The following CPA6 variants were observed in gnomAD, a reference collection of about 807,000 sequenced individuals.
CPA6 encodes the protein carboxypeptidase B.
A neutral mutation model predicts 63.3 loss-of-function variants in CPA6; 58 were observed. That is an observed-to-expected ratio of 0.92 (90% CI 0.74 to 1.14). The LOEUF (loss-of-function observed/expected upper bound fraction) is 1.14. Among genes scored for constraint, CPA6 ranks in the 50% most tolerant of loss-of-function variants. The pLI is 0.00. For synonymous variants in CPA6, 185 were observed against 179.0 expected (o/e 1.03, Z -0.27); for missense variants, 565 against 526.6 (o/e 1.07, Z -0.71).
chr8:67,589,969 ATGCTGGTG>A (rs1814066365), intron 2 of CPA6, among the ~76,000 whole-genome samples: 1 of 151,718 alleles, frequency 6.6e-6, no homozygotes, highest in African/African-American at 2.4e-5. Flanking sequence ...TACATGTGCC[ATGCTGGTG>A]TGCTGCACCC....
intron 2 of CPA6, among the ~76,000 whole-genome samples, chr8:67,572,011 G>A (rs541311376): frequency 6.6e-5 from 10 of 151,878 alleles, no homozygotes; most frequent in African/African-American, 9.7e-5. Flanking sequence ...AACTGACACC[G>A]CAGAAATACA....
chr8:67,691,387 G>A (rs573483040), intron 1 of CPA6, among the ~76,000 whole-genome samples: 4 of 152,290 alleles, frequency 2.6e-5, no homozygotes, highest in East Asian at 1.9e-4. Context: ...TCACTGGCAC[G>A]TGGCTGGAAA....
chr8:67,642,245 G>A (rs1325602526), intron 1 of CPA6, among the ~76,000 whole-genome samples: 12 of 151,894 alleles, frequency 7.9e-5, no homozygotes. Flanking sequence ...TTGAACCTGG[G>A]AGGCAGAGGT....
At chr8:67,601,774 G>A (rs1814502660) in intron 2 of CPA6, among the ~76,000 whole-genome samples, 2 of 152,242 alleles carry the variant, frequency 1.3e-5, no homozygotes, top group Non-Finnish European at 2.9e-5. Flanking sequence ...ATACATTTCT[G>A]GTGGGAGTGT....
rs55739926 is a variant in CPA6, at chr8:67,468,581, AAAAAT to A, written c.838+15182_838+15186del. Among the ~76,000 whole-genome samples the A allele has an allele frequency of 3.1e-3, 427 of 138,724 alleles. 2 individuals carry two copies. Among genetic ancestry groups the A allele is most frequent in the Admixed American group, 0.015 (215 of 13,896 alleles). 91.0% of individuals were successfully genotyped at this position (138,724 alleles called of 152,430 possible). ...GGCGACAAGAGCGAGACTCTGTCTC[AAAAAT>A]AAAATAAAATAAAATAAAATAAAAT... On this transcript the variant is annotated intron_variant, in intron 8 of 10. Transcript: ENST00000297770.
intron 1 of CPA6, among the ~76,000 whole-genome samples, chr8:67,632,189 CAG>C: frequency 6.6e-6 from 1 of 150,650 alleles, no homozygotes. Flanking sequence ...TGTGTTTTCT[CAG>C]AGACAGTCTC....
intron 2 of CPA6, among the ~76,000 whole-genome samples, chr8:67,574,351 G>A (rs964110112): frequency 6.7e-6 from 1 of 150,304 alleles, no homozygotes; most frequent in Non-Finnish European, 1.5e-5. Flanking sequence ...ACTCCAGCCT[G>A]GGCAACAGAG....
chr8:67,648,563 G>A (rs1351796649), intron 1 of CPA6, among the ~76,000 whole-genome samples: 2 of 152,194 alleles, frequency 1.3e-5, no homozygotes, highest in Non-Finnish European at 2.9e-5. Context: ...GGCCCAGAAG[G>A]AAGAGGTTGG....
chr8:67,669,023 T>C (rs1816289578), intron 1 of CPA6, among the ~76,000 whole-genome samples: 1 of 152,200 alleles, frequency 6.6e-6, no homozygotes, highest in African/African-American at 2.4e-5. Flanking sequence ...GCAGGATCCA[T>C]AGTCAGCTTG....
intron 2 of CPA6, among the ~76,000 whole-genome samples, chr8:67,598,981 TA>T (rs978099849): frequency 1.2e-4 from 19 of 152,104 alleles, no homozygotes; most frequent in Non-Finnish European, 7.4e-5. Flanking sequence ...ATAAATCTGG[TA>T]AAAAAATTTC....
chr8:67,437,371 G>A (rs780216547), intron 8 of CPA6, among the ~76,000 whole-genome samples: 9 of 152,118 alleles, frequency 5.9e-5, no homozygotes, highest in Non-Finnish European at 1.3e-4. Context: ...CTCCAGCCTG[G>A]GCGACAGAGC....
chr8:67,672,267 T>A (rs115776958), intron 1 of CPA6, among the ~76,000 whole-genome samples: 282 of 152,358 alleles, frequency 1.9e-3, no homozygotes, highest in African/African-American at 6.6e-3. Flanking sequence ...AGTCTAAATA[T>A]AACTGGAACA....
intron 2 of CPA6, among the ~76,000 whole-genome samples, chr8:67,562,389 G>A (rs904700493): frequency 4.6e-5 from 7 of 152,140 alleles, no homozygotes; most frequent in Admixed American, 2.6e-4. Context: ...TCCTGGCCCT[G>A]ACAGAATGTC....
At chr8:67,502,060 T>C (rs1015196502) in intron 6 of CPA6, among the ~76,000 whole-genome samples, 3 of 152,238 alleles carry the variant, frequency 2.0e-5, no homozygotes, top group African/African-American at 7.2e-5. Context: ...TAACCTTTTT[T>C]ATATCTTCAG....
At chr8:67,699,826 T>A (rs144439052) in intron 1 of CPA6, among the ~76,000 whole-genome samples, 2,061 of 152,214 alleles carry the variant, frequency 0.014, 38 homozygotes, top group African/African-American at 0.046. Context: ...TGACCTCAGG[T>A]GATCCACCTG....
At chr8:67,632,354 A>G (rs979687956) in intron 1 of CPA6, among the ~76,000 whole-genome samples, 1 of 151,458 alleles carries the variant, frequency 6.6e-6, no homozygotes, top group Admixed American at 6.6e-5. Flanking sequence ...ACTTTTTTTT[A>G]AAGAAATGGG....
chr8:67,611,110 T>C (rs552457254), intron 2 of CPA6, among the ~76,000 whole-genome samples: 1 of 150,224 alleles, frequency 6.7e-6, no homozygotes, highest in Admixed American at 6.7e-5. Context: ...TGAGATGGAG[T>C]ATTGCTCTGT....
rs147954153 is a variant in CPA6, at chr8:67,556,223, G to A, written c.193-38176C>T. Among the ~76,000 whole-genome samples the A allele has an allele frequency of 8.2e-3, 1,249 of 152,306 alleles. 22 individuals are homozygous for A. Among genetic ancestry groups the A allele is most frequent in the Admixed American group, 0.037 (568 of 15,296 alleles). On this transcript the variant is annotated intron_variant, in intron 2 of 10. Coordinates refer to ENST00000297770, the MANE Select transcript of CPA6 (RefSeq NM_020361.5). ...TTATTATGGGAGATGGGGTTTCTGCGTTCGTAGGAGCTCAGGAACAAGTTT... is the reference window on the plus strand; with the variant it reads ...TTATTATGGGAGATGGGGTTTCTGCATTCGTAGGAGCTCAGGAACAAGTTT...
chr8:67,602,410 A>G (rs1814518682), intron 2 of CPA6, among the ~76,000 whole-genome samples: 2 of 152,158 alleles, frequency 1.3e-5, no homozygotes, highest in Non-Finnish European at 2.9e-5. Context: ...TTCAACATCA[A>G]TGCATTGTTA....
Sources: allele counts gnomAD v4.1 joint callset (sites outside exome capture counted in the v4.1 genomes callset), GRCh38; gene constraint gnomAD v4.1.1; transcripts MANE v1.5; gene names NCBI Gene and HGNC (gene_info 2026-07-23, HGNC 2026-07-21).